The following ZBTB44 variants were observed in gnomAD, a reference collection of about 807,000 sequenced individuals.
ZBTB44 encodes the protein zinc finger and BTB domain containing 44.
ZBTB44 carries 15 observed loss-of-function variants against 54.0 expected under a neutral mutation model. The observed-to-expected ratio is 0.28, with a 90% CI of 0.19 to 0.43. ZBTB44 has a LOEUF of 0.43. Among genes scored for constraint, ZBTB44 ranks in the 20% least tolerant of loss-of-function variants. ZBTB44 has a pLI of 1.00. For missense variants in ZBTB44, 487 were observed against 707.1 expected (o/e 0.69, Z 3.53); for synonymous variants, 230 against 250.1 (o/e 0.92, Z 0.76).
At chr11:130,291,816 A>G (rs557087561) in intron 1 of ZBTB44, among the ~76,000 whole-genome samples, 1 of 152,352 alleles carries the variant, frequency 6.6e-6, no homozygotes, top group East Asian at 1.9e-4. Flanking sequence ...CTTTCCTGAT[A>G]TAATTCATGT....
chr11:130,301,682 G>A (rs1941996869), intron 1 of ZBTB44, among the ~76,000 whole-genome samples: 1 of 151,612 alleles, frequency 6.6e-6, no homozygotes, highest in Middle Eastern at 3.2e-3. Flanking sequence ...AAATAAATGT[G>A]GAGAAAAAAG....
chr11:130,292,852 C>CA (rs1941386210), intron 1 of ZBTB44, among the ~76,000 whole-genome samples: 1 of 152,094 alleles, frequency 6.6e-6, no homozygotes, highest in Non-Finnish European at 1.5e-5. Flanking sequence ...CCCACCCCAC[C>CA]AAAAGTTATT....
At position 130,309,785 on chromosome 11, in the gene ZBTB44, G is replaced by A. The variant is rs573524483; in HGVS notation, c.-57+4590C>T. 7.2e-5 allele frequency among the ~76,000 whole-genome samples: 11 copies of A among 151,794 alleles called. No individual in the cohort carries two copies. The East Asian group carries it at 2.1e-3, about 30-fold the overall frequency. ...TACATGCCTGTAATCCCAGCTACTA[G>A]GGAGGCTGAGGCAGGAGAATCGCTT... is the stretch of plus-strand genomic sequence containing the variant. On this transcript the variant is annotated intron_variant, in intron 1 of 7. Transcript: ENST00000357899.
chr11:130,309,970 A>G (rs893902550), intron 1 of ZBTB44, among the ~76,000 whole-genome samples: 12 of 152,014 alleles, frequency 7.9e-5, no homozygotes, highest in African/African-American at 2.9e-4. Context: ...CTTTAAAGAC[A>G]TGATTTAAGT....
intron 1 of ZBTB44, among the ~76,000 whole-genome samples, chr11:130,288,546 G>A (rs181548356): frequency 6.6e-6 from 1 of 152,076 alleles, no homozygotes; most frequent in African/African-American, 2.4e-5. Context: ...AAGGTTCTCG[G>A]GATCCCCAGG....
At chr11:130,254,895 T>C (rs968040590) in intron 2 of ZBTB44, among the ~76,000 whole-genome samples, 1 of 151,852 alleles carries the variant, frequency 6.6e-6, no homozygotes, top group African/African-American at 2.4e-5. Context: ...CATGCAGCCA[T>C]AAAAAAGGAT....
chr11:130,240,202 C>T (rs770872848), intron 2 of ZBTB44, among the ~76,000 whole-genome samples: 2 of 152,064 alleles, frequency 1.3e-5, no homozygotes, highest in African/African-American at 2.4e-5. Flanking sequence ...ACACCACGCC[C>T]GGCTCATTTT....
At position 130,261,270 on chromosome 11, in the gene ZBTB44, T is replaced by C. The variant is rs751938479; in HGVS notation, c.604A>G (p.Thr202Ala). Residue 202 changes from threonine (T) to alanine (A), a missense_variant, in exon 2 of 8, where the codon ACA becomes GCA. Thr to Ala is a moderately conservative substitution (Grantham distance 58). This residue lies in a region of ZBTB44 where 277 missense variants were observed against 306.5 expected (regional missense o/e 0.90). Transcript: ENST00000357899. This position sits in a 1 kb window ranked among gnomAD's most constrained non-coding sequence, Gnocchi z 4.8. ...PESPVKCGTQ[T>A]SSPQVLNSSA... The stretch of plus-strand genomic sequence containing the variant: ...GAATTCAATACCTGGGGTGAGCTTG[T>C]TTGTGTGCCACACTTTACAGGACTT... 8 of 1,613,810 alleles carry C rather than the reference T, an allele frequency of 5.0e-6. No individual in the cohort carries two copies. In the African/African-American group the frequency reaches 1.1e-4, roughly 22 times the overall value.
At chr11:130,314,345 G>C (rs951831160) in intron 1 of ZBTB44, 30 bp downstream of exon 1, 2 of 152,700 alleles carry the variant, frequency 1.3e-5, no homozygotes, top group Non-Finnish European at 2.9e-5. Flanking sequence ...TCCCCCGCGC[G>C]ACCGGAGCCC....
At chr11:130,311,758 C>G (rs1462529665) in intron 1 of ZBTB44, among the ~76,000 whole-genome samples, 1 of 152,062 alleles carries the variant, frequency 6.6e-6, no homozygotes, top group African/African-American at 2.4e-5. Flanking sequence ...TAAAAAGAAC[C>G]AAGACTCCCT....
intron 1 of ZBTB44, among the ~76,000 whole-genome samples, chr11:130,282,970 G>A (rs537423134): frequency 1.2e-4 from 18 of 149,602 alleles, no homozygotes; most frequent in Non-Finnish European, 2.2e-4. Context: ...CCACCACTGT[G>A]ACTAGCTCCA....
chr11:130,263,485 G>T (rs1455132159), intron 1 of ZBTB44, among the ~76,000 whole-genome samples: 1 of 152,212 alleles, frequency 6.6e-6, no homozygotes, highest in African/African-American at 2.4e-5. Context: ...GTGGCTGAGG[G>T]AAGAAACATG....
At chr11:130,296,580 G>A (rs534757546) in intron 1 of ZBTB44, 54 of 925,040 alleles carry the variant, frequency 5.8e-5, no homozygotes, top group African/African-American at 4.5e-4. Context: ...TATATTCATC[G>A]TGTAGGTAGA....
At chr11:130,238,717 G>C in intron 3 of ZBTB44, 110 bp from the exon 4 acceptor site, 6 of 1,161,304 alleles carry the variant, frequency 5.2e-6, no homozygotes, top group Non-Finnish European at 6.9e-6. Flanking sequence ...AAGACTTTTT[G>C]AAACAGTTTA....
intron 2 of ZBTB44, among the ~76,000 whole-genome samples, chr11:130,245,535 TACAG>T (rs534391677): frequency 2.2e-3 from 338 of 152,286 alleles, no homozygotes; most frequent in African/African-American, 7.7e-3. Flanking sequence ...TATTAAAGCG[TACAG>T]ACAAAGGCTT....
chr11:130,228,715 T>C lies in ZBTB44; in HGVS notation c.*3049A>G, dbSNP rs1384532839. On this transcript the variant is annotated 3_prime_UTR_variant, in exon 8 of 8. Transcript: ENST00000357899. ...ATGGGATGATTTTTCATCTGTTTTA[T>C]TGAATAATGAAATCTAAATGTGGCT... 1 of 152,202 alleles carries C rather than the reference T, an allele frequency of 6.6e-6. No homozygotes were observed. The highest frequency in any genetic ancestry group is 1.5e-5 in the Non-Finnish European group (1 of 68,032). 9.4% of individuals were successfully genotyped at this position (152,202 alleles called of 1,614,324 possible).
chr11:130,261,376 C>T lies in ZBTB44; in HGVS notation c.498G>A (p.Glu166=), dbSNP rs752015017. 2.5e-6 allele frequency: 4 copies of T among 1,613,838 alleles called. No homozygotes were observed. Among genetic ancestry groups the T allele is most frequent in the Middle Eastern group, 3.3e-4 (2 of 6,084 alleles). ...GAATGGTTCTTTCTACCACACTGCA[C>T]TCTGAGGACACGGGAGAAATGCTCC... ...RDGSISPVSS[E]CSVVERTIPV... is the part of the protein sequence containing the mutation. The change falls in exon 2 of 8, where the codon GAG becomes GAA. Residue 166 remains glutamate (E), a synonymous_variant. Transcript: ENST00000357899. The surrounding 1 kb of genome is among the most constrained non-coding windows in gnomAD (Gnocchi z 4.8).
intron 2 of ZBTB44, among the ~76,000 whole-genome samples, chr11:130,253,949 CA>C (rs550124770): frequency 1.4e-3 from 216 of 152,066 alleles, no homozygotes; most frequent in Non-Finnish European, 2.5e-3. Flanking sequence ...ACAAACCTGA[CA>C]AAAACAAGAA....
intron 6 of ZBTB44, chr11:130,233,802 A>C: frequency 8.5e-7 from 1 of 1,176,414 alleles, no homozygotes; most frequent in Admixed American, 4.2e-5. Context: ...GTGTACTTAC[A>C]GAAGCAATCT....
Sources: gnomAD v4.1 joint callset for allele counts (sites outside exome capture counted in the v4.1 genomes callset) on GRCh38, gnomAD v4.1.1 for gene constraint, gnomAD v4.1.1 regional missense constraint, Gnocchi (gnomAD v3.1) non-coding constraint, MANE v1.5 for transcripts, NCBI Gene and HGNC (gene_info 2026-07-23, HGNC 2026-07-21) for gene names.